The following CFAP299 variants were observed in gnomAD, a reference collection of about 807,000 sequenced individuals.
CFAP299 encodes the protein cilia- and flagella-associated protein 299.
CFAP299 carries 21 observed loss-of-function variants against 27.0 expected under a neutral mutation model. That is an observed-to-expected ratio of 0.78 (90% CI 0.55 to 1.12). CFAP299 has a LOEUF of 1.12. Ranked by LOEUF, CFAP299 falls within the 50% of genes most tolerant of loss-of-function variation. The probability of loss-of-function intolerance (pLI) is 0.00; values close to 1 mark genes in which losing one functional copy is unlikely to be tolerated. For synonymous variants in CFAP299, 104 were observed against 98.1 expected (o/e 1.06, Z -0.36); for missense variants, 310 against 276.6 (o/e 1.12, Z -0.86).
intron 3 of CFAP299, among the ~76,000 whole-genome samples, chr4:80,598,132 T>C (rs985380079): frequency 7.2e-5 from 11 of 152,240 alleles, no homozygotes; most frequent in Admixed American, 7.2e-4. Context: ...AAGTTTTCAG[T>C]ATACAAATGC....
intron 2 of CFAP299, among the ~76,000 whole-genome samples, chr4:80,401,194 A>C (rs1255653146): frequency 6.6e-6 from 1 of 152,228 alleles, no homozygotes; most frequent in African/African-American, 2.4e-5. Context: ...AGAAAAGCCC[A>C]TTTTCTGGGG....
At position 80,435,510 on chromosome 4, in the gene CFAP299, T is replaced by C. The variant is rs147529646; in HGVS notation, c.242+72626T>C. On this transcript the variant is annotated intron_variant, in intron 2 of 5. Coordinates refer to ENST00000358105, the MANE Select transcript of CFAP299 (RefSeq NM_152770.3). Reference sequence around the variant, plus strand: ...ATGGCCTGAAAAAGCCTGTAATTGTTCAACCCCTAAGGAAATCTCTGGGCT... The same window carrying C: ...ATGGCCTGAAAAAGCCTGTAATTGTCCAACCCCTAAGGAAATCTCTGGGCT... 6.2e-3 allele frequency among the ~76,000 whole-genome samples: 942 copies of C among 152,314 alleles called. 2 individuals are homozygous for C. The highest frequency in any genetic ancestry group is 0.024 in the Middle Eastern group (7 of 294).
chr4:80,387,741 G>A, intron 2 of CFAP299: 9 of 1,586,364 alleles, frequency 5.7e-6, no homozygotes, highest in Middle Eastern at 1.7e-4. Flanking sequence ...GGCTTCAGAT[G>A]TGCTGCTGCA....
At chr4:80,662,868 T>C (rs1204384732) in intron 3 of CFAP299, among the ~76,000 whole-genome samples, 1 of 150,512 alleles carries the variant, frequency 6.6e-6, no homozygotes, top group African/African-American at 2.5e-5. Flanking sequence ...GATGAGCTGC[T>C]CTTGAGCCTT....
chr4:80,899,458 G>A (rs577338050), intron 4 of CFAP299, among the ~76,000 whole-genome samples: 1 of 152,218 alleles, frequency 6.6e-6, no homozygotes, highest in South Asian at 2.1e-4. Flanking sequence ...AATCTGAGAA[G>A]GAAGGTACAG....
chr4:80,532,933 A>G (rs1248348169), intron 2 of CFAP299, among the ~76,000 whole-genome samples: 3 of 152,106 alleles, frequency 2.0e-5, no homozygotes, highest in South Asian at 2.1e-4. Flanking sequence ...ACTTTTTCTG[A>G]CCTTTTTTTT....
chr4:80,769,352 T>A (rs1199652878), intron 3 of CFAP299, among the ~76,000 whole-genome samples: 1 of 152,164 alleles, frequency 6.6e-6, no homozygotes, highest in Non-Finnish European at 1.5e-5. Flanking sequence ...CATTTTATGT[T>A]ACTATACAAT....
intron 2 of CFAP299, among the ~76,000 whole-genome samples, chr4:80,467,130 G>A (rs1729743864): frequency 6.6e-6 from 1 of 152,186 alleles, no homozygotes; most frequent in Non-Finnish European, 1.5e-5. Context: ...GTTGGAGCCA[G>A]CATTCACAAG....
At chr4:80,684,349 C>T (rs1381640581) in intron 3 of CFAP299, among the ~76,000 whole-genome samples, 1 of 151,988 alleles carries the variant, frequency 6.6e-6, no homozygotes, top group African/African-American at 2.4e-5. Flanking sequence ...CTGCAAGCTC[C>T]GCCTCCCAGG....
chr4:80,855,045 G>T (rs547594783), intron 3 of CFAP299, among the ~76,000 whole-genome samples: 1 of 152,010 alleles, frequency 6.6e-6, no homozygotes, highest in Non-Finnish European at 1.5e-5. Flanking sequence ...CCAAAGAGCC[G>T]AAAGGATTAT....
chr4:80,361,981 A>G (rs1356685555), intron 1 of CFAP299, among the ~76,000 whole-genome samples: 1 of 152,138 alleles, frequency 6.6e-6, no homozygotes, highest in East Asian at 1.9e-4. Context: ...TTTAATCTTT[A>G]TACTAATAAC....
intron 4 of CFAP299, among the ~76,000 whole-genome samples, chr4:80,938,766 T>C (rs956334072): frequency 3.3e-5 from 5 of 152,212 alleles, no homozygotes; most frequent in African/African-American, 1.2e-4. Context: ...TTTTCATGTT[T>C]TTACTGAGTG....
At chr4:80,394,983 A>C (rs1397288594) in intron 2 of CFAP299, among the ~76,000 whole-genome samples, 1 of 152,092 alleles carries the variant, frequency 6.6e-6, no homozygotes, top group Non-Finnish European at 1.5e-5. Context: ...ATTTTGAGAA[A>C]GTTTGTATAG....
chr4:80,542,583 G>C (rs900596082), intron 2 of CFAP299, among the ~76,000 whole-genome samples: 4 of 152,168 alleles, frequency 2.6e-5, no homozygotes, highest in Middle Eastern at 6.8e-3. Flanking sequence ...GCCAGACCTG[G>C]AGAGAGCAGG....
At chr4:80,885,143 G>A (rs1229634150) in intron 4 of CFAP299, among the ~76,000 whole-genome samples, 1 of 152,170 alleles carries the variant, frequency 6.6e-6, no homozygotes, top group Non-Finnish European at 1.5e-5. Flanking sequence ...CTCAGCCAGT[G>A]CCCACACATG....
At chr4:80,786,550 A>G (rs967093495) in intron 3 of CFAP299, among the ~76,000 whole-genome samples, 1 of 152,116 alleles carries the variant, frequency 6.6e-6, no homozygotes, top group African/African-American at 2.4e-5. Flanking sequence ...GTTTGGCCAA[A>G]CCTAAATTAT....
intron 3 of CFAP299, among the ~76,000 whole-genome samples, chr4:80,803,121 C>T (rs1025969876): frequency 6.6e-6 from 1 of 151,964 alleles, no homozygotes; most frequent in Non-Finnish European, 1.5e-5. Context: ...CAAATTTGTT[C>T]GACTCCAAAT....
At chr4:80,413,750 CTT>C (rs66780627) in intron 2 of CFAP299, among the ~76,000 whole-genome samples, 4 of 108,308 alleles carry the variant, frequency 3.7e-5, no homozygotes, top group African/African-American at 6.9e-5. Context: ...TTGTGTCATT[CTT>C]TTTTTTTTTT....
At chr4:80,651,367 CT>C (rs11365987) in intron 3 of CFAP299, among the ~76,000 whole-genome samples, 6,188 of 133,650 alleles carry the variant, frequency 0.046, 427 homozygotes, top group African/African-American at 0.16. Context: ...TCTTCTTCTT[CT>C]TTTTTTTTTT....
Sources: allele counts gnomAD v4.1 joint callset (sites outside exome capture counted in the v4.1 genomes callset), GRCh38; gene constraint gnomAD v4.1.1; transcripts MANE v1.5; gene names NCBI Gene and HGNC (gene_info 2026-07-23, HGNC 2026-07-21).